KCNH7: variants seen among roughly 807,000 people sequenced by gnomAD.
KCNH7 encodes voltage-gated inwardly rectifying potassium channel KCNH7.
In KCNH7, 49 loss-of-function variants were observed where a neutral mutation model predicts 120.8. The observed-to-expected ratio is 0.41, with a 90% CI of 0.32 to 0.51. The LOEUF (loss-of-function observed/expected upper bound fraction) is 0.51. Among genes scored for constraint, KCNH7 ranks in the 20% least tolerant of loss-of-function variants. The probability of loss-of-function intolerance (pLI) is 0.38; values close to 1 mark genes in which losing one functional copy is unlikely to be tolerated. For synonymous variants in KCNH7, 547 were observed against 516.1 expected (o/e 1.06, Z -0.81); for missense variants, 1,097 against 1,446.6 (o/e 0.76, Z 3.92).
chr2:162,466,490 C>T (rs1046647722), intron 6 of KCNH7, among the ~76,000 whole-genome samples: 4 of 152,198 alleles, frequency 2.6e-5, no homozygotes, highest in African/African-American at 9.7e-5. Flanking sequence ...CACCCACTAT[C>T]ATGAGAACAG....
chr2:162,768,781 G>C (rs1023269006), intron 2 of KCNH7, among the ~76,000 whole-genome samples: 1 of 137,400 alleles, frequency 7.3e-6, no homozygotes, highest in Non-Finnish European at 1.5e-5. Context: ...TCCCCATGTC[G>C]AATCGCCAAG....
intron 2 of KCNH7, among the ~76,000 whole-genome samples, chr2:162,789,034 A>G (rs996835111): frequency 6.6e-6 from 1 of 151,512 alleles, no homozygotes; most frequent in Admixed American, 6.6e-5. Context: ...TCAACTGAGA[A>G]TACTGTACCT....
At chr2:162,807,719 G>A (rs1275943820) in intron 2 of KCNH7, among the ~76,000 whole-genome samples, 1 of 151,926 alleles carries the variant, frequency 6.6e-6, no homozygotes, top group Non-Finnish European at 1.5e-5. Context: ...GTCTTGCTCT[G>A]TCGCCCAGAC....
At chr2:162,668,989 T>C (rs902127976) in intron 2 of KCNH7, among the ~76,000 whole-genome samples, 2 of 152,066 alleles carry the variant, frequency 1.3e-5, no homozygotes, top group African/African-American at 4.8e-5. Flanking sequence ...TTTTAAAAAT[T>C]AGAGGGTAGA....
rs143969713 is a variant in KCNH7 at position 162,623,674 on chromosome 2, C to T, written c.308-86594G>A. On this transcript the variant is annotated intron_variant, in intron 2 of 15. Transcript: ENST00000332142. ...ACCTTGTACAAGTTACGTAACCTTT[C>T]TATATCTCAGTTCCCTGTAAAATGG... Among the ~76,000 whole-genome samples the T allele has an allele frequency of 6.5e-3, 988 of 152,254 alleles. 7 individuals carry two copies. Among genetic ancestry groups the T allele is most frequent in the Non-Finnish European group, 0.011 (716 of 68,004 alleles).
At chr2:162,705,096 A>C (rs1177674014) in intron 2 of KCNH7, among the ~76,000 whole-genome samples, 1 of 152,156 alleles carries the variant, frequency 6.6e-6, no homozygotes, top group Non-Finnish European at 1.5e-5. Flanking sequence ...GTCATACTAT[A>C]AAAGAAAAAC....
intron 2 of KCNH7, among the ~76,000 whole-genome samples, chr2:162,789,969 T>C (rs562127611): frequency 6.0e-5 from 9 of 150,220 alleles, no homozygotes; most frequent in East Asian, 2.0e-4. Context: ...AAGCCAAACA[T>C]TAACAGAAAA....
At chr2:162,462,672 C>A (rs1344181271) in intron 6 of KCNH7, among the ~76,000 whole-genome samples, 4 of 152,028 alleles carry the variant, frequency 2.6e-5, no homozygotes, top group Non-Finnish European at 2.9e-5. Context: ...AGGATGGCAA[C>A]TTGCTTGAAG....
intron 2 of KCNH7, among the ~76,000 whole-genome samples, chr2:162,558,218 A>G (rs983403367): frequency 6.6e-6 from 1 of 151,028 alleles, no homozygotes; most frequent in African/African-American, 2.4e-5. Context: ...CGCTCTGGCC[A>G]GGCTGGAGTA....
intron 2 of KCNH7, among the ~76,000 whole-genome samples, chr2:162,807,867 G>C (rs1164582196): frequency 6.6e-6 from 1 of 152,060 alleles, no homozygotes; most frequent in Non-Finnish European, 1.5e-5. Context: ...ATTTTTAGTA[G>C]AGACGGGTGT....
intron 2 of KCNH7, among the ~76,000 whole-genome samples, chr2:162,695,922 C>T (rs1455166577): frequency 6.6e-6 from 1 of 152,008 alleles, no homozygotes; most frequent in Admixed American, 6.6e-5. Flanking sequence ...TTCAAGAAAA[C>T]AACAAAAAAG....
At chr2:162,537,227 T>A (rs1377175927) in intron 2 of KCNH7, 147 bp from the exon 3 acceptor site, 2 of 622,028 alleles carry the variant, frequency 3.2e-6, no homozygotes, top group African/African-American at 3.7e-5. Flanking sequence ...TTTTACTTCA[T>A]ATTTTATTGC....
At chr2:162,759,707 A>T (rs1688904223) in intron 2 of KCNH7, among the ~76,000 whole-genome samples, 1 of 152,076 alleles carries the variant, frequency 6.6e-6, no homozygotes, top group Non-Finnish European at 1.5e-5. Flanking sequence ...GAAGGAAGGA[A>T]AAAAGAAAGA....
rs1685671527 is a variant in KCNH7, at chr2:162,836,617, C to T, written c.227G>A (p.Arg76Lys). The change falls in exon 2 of 16, where the codon AGG (arginine) becomes AAG (lysine). Residue 76 changes from arginine (R) to lysine (K), a missense_variant. Physicochemically the swap from Arg to Lys is conservative, Grantham distance 26 (BLOSUM62 2). Around this residue, in one of 8 missense-constraint regions of KCNH7, gnomAD observed 57 missense variants for 116.2 expected, o/e 0.49. Coordinates refer to ENST00000332142, the MANE Select transcript of KCNH7 (RefSeq NM_033272.4). ...CDFLHGPETKRHDIAQIAQAL... is the reference protein window; with the variant it reads ...CDFLHGPETKKHDIAQIAQAL... ...CTGGGCAATTTGGGCAATATCATGC[C>T]TCTTGGTCTCGGGTCCATGGAGAAA... 3.1e-6 allele frequency: 5 copies of T among 1,613,992 alleles called. No homozygotes were observed. The highest frequency in any genetic ancestry group is 4.2e-6 in the Non-Finnish European group (5 of 1,180,050).
intron 2 of KCNH7, among the ~76,000 whole-genome samples, chr2:162,656,279 C>A (rs1176233930): frequency 6.6e-6 from 1 of 152,040 alleles, no homozygotes; most frequent in Non-Finnish European, 1.5e-5. Flanking sequence ...TGTTAGTCTT[C>A]TAAACATTCT....
intron 3 of KCNH7, among the ~76,000 whole-genome samples, chr2:162,531,462 T>C (rs897595635): frequency 6.6e-6 from 1 of 151,970 alleles, no homozygotes; most frequent in African/African-American, 2.4e-5. Context: ...CTAAACTAGG[T>C]ATCCACCATC....
intron 6 of KCNH7, among the ~76,000 whole-genome samples, chr2:162,470,342 G>A (rs189398572): frequency 1.7e-4 from 26 of 150,200 alleles, no homozygotes; most frequent in Admixed American, 1.3e-3. Flanking sequence ...TGTGAGGAGC[G>A]CCTCTGCCCG....
intron 2 of KCNH7, among the ~76,000 whole-genome samples, chr2:162,690,284 C>A (rs1032829320): frequency 7.9e-5 from 12 of 152,054 alleles, no homozygotes; most frequent in African/African-American, 1.7e-4. Flanking sequence ...GGGTACTAGG[C>A]TTAATACCTA....
chr2:162,644,416 A>G (rs1684279581), intron 2 of KCNH7, among the ~76,000 whole-genome samples: 1 of 152,176 alleles, frequency 6.6e-6, no homozygotes, highest in Non-Finnish European at 1.5e-5. Context: ...ATTTATTTTT[A>G]TCAGTGAAAA....
Sources: gnomAD v4.1 joint callset for allele counts (sites outside exome capture counted in the v4.1 genomes callset) on GRCh38, gnomAD v4.1.1 for gene constraint, gnomAD v4.1.1 regional missense constraint, MANE v1.5 for transcripts, NCBI Gene and HGNC (gene_info 2026-07-23, HGNC 2026-07-21) for gene names.